The following ADGRL2 variants were observed in gnomAD, a reference collection of about 807,000 sequenced individuals.
ADGRL2 encodes the protein calcium-independent alpha-latrotoxin receptor 2.
In ADGRL2, 44 loss-of-function variants were observed where a neutral mutation model predicts 157.4. The ratio of observed to expected loss-of-function variants is 0.28; its 90% CI spans 0.22 to 0.36. The LOEUF (loss-of-function observed/expected upper bound fraction) is 0.36, where lower values mean the gene tolerates loss of function less well. Ranked by LOEUF, ADGRL2 falls within the 10% of genes least tolerant of loss-of-function variation. ADGRL2 has a pLI of 1.00. For missense variants in ADGRL2, 1,510 were observed against 1,768.9 expected, an observed-to-expected ratio of 0.85 and a Z score of 2.63; for synonymous variants, 585 against 624.7, an observed-to-expected ratio of 0.94 and a Z score of 0.95.
chr1:81,980,323 G>T (rs567099522), intron 18 of ADGRL2, among the ~76,000 whole-genome samples: 43 of 151,778 alleles, frequency 2.8e-4, no homozygotes, highest in African/African-American at 1.0e-3. Flanking sequence ...ATTCTGAGCA[G>T]TTTCCACTCC....
In ADGRL2 at chr1:81,951,965, C is replaced by T. The variant is rs201068501; in HGVS notation, c.1617C>T (p.Ser539=). ...ACAAATTGTTTTTTCAGATCAGAAG[C>T]GGAGAAAATGCTGCTAGTCTTGCCA... is the stretch of plus-strand genomic sequence containing the variant. ...WVNQLAQKIR[S]GENAASLANE... Residue 539 remains serine (S), a synonymous_variant, in exon 9 of 24, where the codon AGC becomes AGT. Transcript: ENST00000686636. 88 of 1,600,420 alleles carry T rather than the reference C, an allele frequency of 5.5e-5. 1 individual carries two copies. The Middle Eastern group carries it at 4.0e-3, about 73-fold the overall frequency.
intron 1 of ADGRL2, among the ~76,000 whole-genome samples, chr1:81,391,593 C>T (rs1227834012): frequency 7.9e-5 from 1 of 12,604 alleles, no homozygotes. Flanking sequence ...TCTAGCAAGT[C>T]CTCTGCTCCT....
At chr1:81,418,614 C>T (rs1271513698) in intron 1 of ADGRL2, among the ~76,000 whole-genome samples, 5 of 151,748 alleles carry the variant, frequency 3.3e-5, no homozygotes, top group Admixed American at 2.6e-4. Flanking sequence ...AATACCCAGG[C>T]GTGGTGGCAG....
At chr1:81,880,341 G>T (rs556062494) in intron 2 of ADGRL2, among the ~76,000 whole-genome samples, 1 of 152,234 alleles carries the variant, frequency 6.6e-6, no homozygotes, top group South Asian at 2.1e-4. Context: ...GTACAGAGAT[G>T]AAAAATTAAG....
Position 81,991,185 on chromosome 1 carries a change from T to G in ADGRL2, c.*40T>G. The G allele has an allele frequency of 6.5e-7, 1 of 1,543,424 alleles. No individual in the cohort carries two copies. The highest frequency in any genetic ancestry group is 1.4e-5 in the African/African-American group (1 of 72,906). On this transcript the variant is annotated 3_prime_UTR_variant, in exon 24 of 24. Coordinates refer to ENST00000686636, the MANE Select transcript of ADGRL2 (RefSeq NM_001366006.2). ...AATTCCAAGGGCCACATGCGAGTAT[T>G]AATAAATAAAGACACCATTGGCCTG...
chr1:81,932,173 T>C (rs532897613), intron 3 of ADGRL2, among the ~76,000 whole-genome samples: 1 of 152,372 alleles, frequency 6.6e-6, no homozygotes, highest in East Asian at 1.9e-4. Flanking sequence ...AGTATATTTT[T>C]ACATATTCTC....
At chr1:81,606,745 C>CGTGTGT (rs56718232) in intron 3 of ADGRL2, among the ~76,000 whole-genome samples, 1 of 146,926 alleles carries the variant, frequency 6.8e-6, no homozygotes, top group South Asian at 2.2e-4. Flanking sequence ...AGAGGATCAA[C>CGTGTGT]GTGTGTGTGT....
chr1:81,965,923 G>A, intron 11 of ADGRL2, 135 bp from the exon 12 acceptor site: 1 of 891,220 alleles, frequency 1.1e-6, no homozygotes, highest in Non-Finnish European at 1.7e-6. Context: ...CATGATTTTT[G>A]TTGAAACCTA....
At chr1:81,763,046 TAAAA>T (rs748864220) in intron 2 of ADGRL2, among the ~76,000 whole-genome samples, 799 of 73,730 alleles carry the variant, frequency 0.011, 6 homozygotes, top group African/African-American at 0.045. Flanking sequence ...AGACTCCGTC[TAAAA>T]AAAAAAAAAA....
At chr1:81,929,356 G>A (rs1338742160) in intron 3 of ADGRL2, among the ~76,000 whole-genome samples, 1 of 152,160 alleles carries the variant, frequency 6.6e-6, no homozygotes, top group Non-Finnish European at 1.5e-5. Context: ...CAGTGAAGAA[G>A]TAATTTAAGG....
chr1:81,382,224 C>T (rs1470269640), intron 1 of ADGRL2, among the ~76,000 whole-genome samples: 1 of 152,162 alleles, frequency 6.6e-6, no homozygotes, highest in Non-Finnish European at 1.5e-5. Context: ...AGCCCTCACA[C>T]CAAATCACAT....
chr1:81,614,421 G>A (rs2081602627), intron 3 of ADGRL2, among the ~76,000 whole-genome samples: 2 of 152,216 alleles, frequency 1.3e-5, no homozygotes, highest in Admixed American at 6.5e-5. Context: ...ACTGGGGACT[G>A]TGTATATTGA....
chr1:81,610,783 A>G (rs762398856), intron 3 of ADGRL2, among the ~76,000 whole-genome samples: 10 of 152,188 alleles, frequency 6.6e-5, no homozygotes, highest in Non-Finnish European at 1.5e-4. Flanking sequence ...ACATAGAGCC[A>G]ATAGAACTTA....
At chr1:81,865,415 G>A (rs80075599) in intron 2 of ADGRL2, among the ~76,000 whole-genome samples, 2 of 152,242 alleles carry the variant, frequency 1.3e-5, no homozygotes, top group South Asian at 2.1e-4. Flanking sequence ...TTTATTTGGG[G>A]ATATGGAATG....
intron 2 of ADGRL2, among the ~76,000 whole-genome samples, chr1:81,864,997 C>G (rs1258398058): frequency 6.6e-6 from 1 of 151,848 alleles, no homozygotes; most frequent in Admixed American, 6.6e-5. Flanking sequence ...AAAGAAAAAC[C>G]ACCCCCAAAA....
intron 1 of ADGRL2, chr1:81,427,291 T>C: frequency 1.4e-6 from 1 of 733,960 alleles, no homozygotes; most frequent in East Asian, 2.4e-5. Flanking sequence ...ATAATGGACT[T>C]AGAGGCGATG....
chr1:81,747,682 A>G (rs1479477377), intron 1 of ADGRL2, among the ~76,000 whole-genome samples: 2 of 150,194 alleles, frequency 1.3e-5, no homozygotes, highest in Non-Finnish European at 3.0e-5. Flanking sequence ...TGACTGAAAA[A>G]TAATTTTTCC....
At position 81,708,042 on chromosome 1, in the gene ADGRL2, T is replaced by G. The variant is rs565580306; in HGVS notation, c.-143+8234T>G. ...TAAATGCCTACGCTTGTTCTCTCTT[T>G]CTTTTTAGTTGTAAGAATATCTCTG... On this transcript the variant is annotated intron_variant, in intron 1 of 20. Transcript: ENST00000359929. Among the ~76,000 whole-genome samples the G allele has an allele frequency of 2.6e-5, 4 of 152,300 alleles. No homozygotes were observed. In the South Asian group the frequency reaches 8.3e-4, roughly 32 times the overall value.
At chr1:81,393,408 A>C (rs933657354) in intron 1 of ADGRL2, among the ~76,000 whole-genome samples, 6 of 151,694 alleles carry the variant, frequency 4.0e-5, no homozygotes, top group African/African-American at 1.4e-4. Flanking sequence ...AGAGGCATTC[A>C]AGAACATTTA....
Sources: allele counts gnomAD v4.1 joint callset (sites outside exome capture counted in the v4.1 genomes callset), GRCh38; gene constraint gnomAD v4.1.1; transcripts MANE v1.5; gene names NCBI Gene and HGNC (gene_info 2026-07-23, HGNC 2026-07-21).